TTL: variants seen among roughly 807,000 people sequenced by gnomAD.
The protein encoded by TTL is tubulin--tyrosine ligase.
A neutral mutation model predicts 41.1 loss-of-function variants in TTL; 10 were observed. The observed-to-expected ratio is 0.24, with a 90% confidence interval of 0.15 to 0.41. The LOEUF is 0.41. Among genes scored for constraint, TTL ranks in the 10% least tolerant of loss-of-function variants. The probability of loss-of-function intolerance (pLI) is 1.00; values close to 1 mark genes in which losing one functional copy is unlikely to be tolerated. For synonymous variants in TTL, 175 were observed against 175.5 expected, an observed-to-expected ratio of 1.00 and a Z score of 0.02; for missense variants, 367 against 460.4, an observed-to-expected ratio of 0.80 and a Z score of 1.86.
rs760250189 is a variant in TTL, at chr2:112,501,391, G to T, written c.605+50G>T. 22 of 1,481,222 alleles carry T rather than the reference G, an allele frequency of 1.5e-5. No individual in the cohort carries two copies. In the East Asian group the frequency reaches 5.5e-4, roughly 37 times the overall value. 91.8% of individuals were successfully genotyped at this position (1,481,222 alleles called of 1,614,324 possible). A position where few individuals can be genotyped will look rare whatever the true frequency, so the allele number is the denominator to read the frequency against. On this transcript the variant is annotated intron_variant, in intron 4 of 6. Coordinates refer to ENST00000233336, the MANE Select transcript of TTL (RefSeq NM_153712.5). ...TTGTTTTTATTCATCTGAAAAAACT[G>T]CCATGGTATGTGGTGGGAAGGGGGA...
intron 5 of TTL, among the ~76,000 whole-genome samples, chr2:112,516,722 A>G (rs565113503): frequency 1.6e-4 from 25 of 152,262 alleles, no homozygotes; most frequent in Non-Finnish European, 3.2e-4. Flanking sequence ...CGTCTGTTCT[A>G]GGATCTCCAT....
intron 2 of TTL, among the ~76,000 whole-genome samples, chr2:112,486,466 A>G (rs896954825): frequency 4.2e-4 from 64 of 152,362 alleles, no homozygotes; most frequent in African/African-American, 1.4e-3. Context: ...TTAGCTTCGC[A>G]GGCATTTCTG....
intron 2 of TTL, among the ~76,000 whole-genome samples, chr2:112,490,029 A>G (rs1300291279): frequency 1.3e-5 from 2 of 152,192 alleles, no homozygotes; most frequent in African/African-American, 4.8e-5. Flanking sequence ...CATTAAATTC[A>G]TTGTCTTCTG....
intron 2 of TTL, among the ~76,000 whole-genome samples, chr2:112,489,224 A>C (rs868384761): frequency 1.3e-5 from 2 of 152,350 alleles, no homozygotes; most frequent in Middle Eastern, 3.4e-3. Context: ...TTCAAAATCT[A>C]ATGTGAATTT....
intron 6 of TTL, among the ~76,000 whole-genome samples, chr2:112,525,398 C>G (rs574918009): frequency 3.9e-5 from 6 of 152,296 alleles, no homozygotes; most frequent in African/African-American, 1.2e-4. Flanking sequence ...GCCATTTTCA[C>G]AACATTGATT....
In TTL at chr2:112,502,900, G is replaced by A. The variant is rs1330474199; in HGVS notation, c.606-12G>A. On this transcript the variant is annotated splice_polypyrimidine_tract_variant and intron_variant, in intron 4 of 6. Transcript: ENST00000233336. Reference sequence around the variant, plus strand: ...ATGACTTGAGTAAAGCAGTGTTTTTGTTGAATTGCAGAAGCTGGGTCTTGG... The same window carrying A: ...ATGACTTGAGTAAAGCAGTGTTTTTATTGAATTGCAGAAGCTGGGTCTTGG... The A allele has an allele frequency of 6.3e-7, 1 of 1,596,120 alleles. No homozygotes were observed. The highest frequency in any genetic ancestry group is 8.5e-7 in the Non-Finnish European group (1 of 1,170,452).
chr2:112,487,234 T>C (rs911172491), intron 2 of TTL, among the ~76,000 whole-genome samples: 3 of 152,178 alleles, frequency 2.0e-5, no homozygotes, highest in African/African-American at 7.2e-5. Context: ...CTGCTTTTTG[T>C]TCACTCATTG....
Position 112,482,411 on chromosome 2 carries a change from G to A in TTL, c.67G>A (p.Ala23Thr), listed in dbSNP as rs779273502. ...CGCCGAGGTCTCCCGGCTGCTCCTC[G>A]CCACCGGCCACTGGAAGAGGCTGCG... ...VYAEVSRLLL[A>T]TGHWKRLRRD... Residue 23 changes from alanine (A) to threonine (T), a missense_variant, in exon 1 of 7, where the codon GCC becomes ACC. Physicochemically the swap from Ala to Thr is moderately conservative, Grantham distance 58. Transcript: ENST00000233336. This position sits in a 1 kb window ranked among gnomAD's most constrained non-coding sequence, Gnocchi z 5.3. The A allele has an allele frequency of 3.7e-6, 6 of 1,605,952 alleles. No individual in the cohort carries two copies. The East Asian group carries it at 1.1e-4, about 30-fold the overall frequency.
intron 5 of TTL, among the ~76,000 whole-genome samples, chr2:112,513,569 A>G (rs114259546): frequency 0.042 from 6,310 of 150,714 alleles, 463 homozygotes; most frequent in African/African-American, 0.15. Context: ...ATACAAATAT[A>G]CATATAAATA....
intron 1 of TTL, chr2:112,483,045 C>T (rs1012352134): frequency 1.3e-5 from 2 of 152,574 alleles, no homozygotes; most frequent in Non-Finnish European, 2.9e-5. Context: ...ATTCCAAAAG[C>T]AGGAGCTGCA....
chr2:112,490,382 C>T (rs1681349944), intron 2 of TTL, among the ~76,000 whole-genome samples: 1 of 151,960 alleles, frequency 6.6e-6, no homozygotes, highest in Non-Finnish European at 1.5e-5. Flanking sequence ...TGTGCCGCTG[C>T]ACTCCAGCCT....
intron 2 of TTL, among the ~76,000 whole-genome samples, chr2:112,488,372 A>G (rs2104447466): frequency 6.6e-6 from 1 of 152,364 alleles, no homozygotes; most frequent in South Asian, 2.1e-4. Context: ...AACCAAGGTC[A>G]TCTTACAGAC....
Position 112,509,669 on chromosome 2 carries a change from C to T in TTL, c.875+6488C>T, listed in dbSNP as rs529568456. Among the ~76,000 whole-genome samples the T allele has an allele frequency of 2.5e-3, 376 of 152,310 alleles. 1 individual carries two copies. Among genetic ancestry groups the T allele is most frequent in the African/African-American group, 8.3e-3 (343 of 41,572 alleles). On this transcript the variant is annotated intron_variant, in intron 5 of 6. Coordinates refer to ENST00000233336, the MANE Select transcript of TTL (RefSeq NM_153712.5). ...GGTGAGGCAATGCCTCGCCCTGCTT[C>T]GGCTCGCGCACGGTGCGCACACACA... is the stretch of plus-strand genomic sequence containing the variant.
In TTL at chr2:112,485,928, G is replaced by A; in HGVS notation, c.169G>A (p.Gly57Arg). The A allele has an allele frequency of 3.1e-6, 5 of 1,613,972 alleles. No individual in the cohort carries two copies. Among genetic ancestry groups the A allele is most frequent in the Non-Finnish European group, 3.4e-6 (4 of 1,179,994 alleles). ...TCTTTCCTTCCTAGGTCACGAGCCC[G>A]GGCTGGTACAGTTGGTGAATTACTA... is the stretch of plus-strand genomic sequence containing the variant. The part of the protein sequence containing the change: ...LPFGRLGHEP[G>R]LVQLVNYYRG... The change falls in exon 2 of 7, where the codon GGG becomes AGG. Residue 57 changes from glycine (G) to arginine (R), a missense_variant. By Grantham distance (125) the Gly-to-Arg change is moderately radical (BLOSUM62 -2). Transcript: ENST00000233336.
At position 112,538,326 on chromosome 2, in the gene TTL, A is replaced by AT. The variant is rs1682635523; in HGVS notation, c.*9532dup. 1 of 152,234 alleles carries AT rather than the reference A, an allele frequency of 6.6e-6. No individual in the cohort carries two copies. The highest frequency in any genetic ancestry group is 2.4e-5 in the African/African-American group (1 of 41,454). 9.4% of individuals were successfully genotyped at this position (152,234 alleles called of 1,614,324 possible). A position where few individuals can be genotyped will look rare whatever the true frequency, so the allele number is the denominator to read the frequency against. On this transcript the variant is annotated 3_prime_UTR_variant, in exon 7 of 7. Transcript: ENST00000233336. ...GACAAAGATGTCACAAGAAAAGCAA[A>AT]TAGCAGACCAATAATCTCTTGGGAA...
chr2:112,524,694 C>G (rs1006340601), intron 6 of TTL, among the ~76,000 whole-genome samples: 1 of 152,074 alleles, frequency 6.6e-6, no homozygotes, highest in Non-Finnish European at 1.5e-5. Context: ...GGATATCAGC[C>G]CTTTGTCAGA....
rs1682673702 is a variant in TTL at position 112,539,620 on chromosome 2, A to AAAAC, written c.*10828_*10831dup. The AAAAC allele has an allele frequency of 6.6e-6, 1 of 152,228 alleles. No homozygotes were observed. The highest frequency in any genetic ancestry group is 1.5e-5 in the Non-Finnish European group (1 of 68,048). The allele number at this position is 152,228 out of a possible 1,614,324, so 9.4% of individuals were successfully genotyped here. ...GAGCTTTCTTCCCAATATCAGGCAC[A>AAAAC]AAACAAGTATATTTATTCTTGTCAC... On this transcript the variant is annotated 3_prime_UTR_variant, in exon 7 of 7. Coordinates refer to ENST00000233336, the MANE Select transcript of TTL (RefSeq NM_153712.5).
At chr2:112,492,989 G>A (rs1165116917) in intron 2 of TTL, among the ~76,000 whole-genome samples, 4 of 152,304 alleles carry the variant, frequency 2.6e-5, no homozygotes, top group South Asian at 2.1e-4. Context: ...ACTTGTGGTT[G>A]GCTAGTGACC....
chr2:112,499,544 G>GA (rs923488002), intron 3 of TTL, among the ~76,000 whole-genome samples: 73 of 152,208 alleles, frequency 4.8e-4, no homozygotes, highest in African/African-American at 1.7e-3. Context: ...TAATTTTTCA[G>GA]AAAAAAGGAG....
Sources: gnomAD v4.1 joint callset for allele counts (sites outside exome capture counted in the v4.1 genomes callset) on GRCh38, gnomAD v4.1.1 for gene constraint, Gnocchi (gnomAD v3.1) non-coding constraint, MANE v1.5 for transcripts, NCBI Gene and HGNC (gene_info 2026-07-23, HGNC 2026-07-21) for gene names.